XYLB: variants seen among roughly 807,000 people sequenced by gnomAD.
XYLB encodes xylulokinase, also known as xylulose kinase.
A neutral mutation model predicts 78.7 loss-of-function variants in XYLB; 62 were observed. The observed-to-expected ratio is 0.79, with a 90% CI of 0.64 to 0.97. XYLB has a LOEUF of 0.97. Among genes scored for constraint, XYLB ranks in the 50% least tolerant of loss-of-function variants. The pLI is 0.00. For synonymous variants in XYLB, 245 were observed against 247.4 expected, an observed-to-expected ratio of 0.99 and a Z score of 0.09; for missense variants, 687 against 676.8, an observed-to-expected ratio of 1.02 and a Z score of -0.17.
the XYLB span, among the ~76,000 whole-genome samples, chr3:38,432,408 A>G: frequency 6.6e-6 from 1 of 152,088 alleles, no homozygotes; most frequent in Admixed American, 6.5e-5. Flanking sequence ...CTCTACTAAA[A>G]ATACAAAAAT....
intron 17 of XYLB, among the ~76,000 whole-genome samples, chr3:38,398,033 T>C (rs767132520): frequency 2.8e-4 from 43 of 151,694 alleles, no homozygotes; most frequent in Non-Finnish European, 4.3e-4. Context: ...TTAGCCAGGA[T>C]GGTCTCGATC....
chr3:38,419,275 C>T (rs1270625964), downstream of XYLB, among the ~76,000 whole-genome samples: 1 of 152,028 alleles, frequency 6.6e-6, no homozygotes, highest in Non-Finnish European at 1.5e-5. Context: ...TAATATTCCG[C>T]TGTGTTTATA....
downstream of XYLB, among the ~76,000 whole-genome samples, chr3:38,415,854 C>T (rs1708771875): frequency 6.6e-6 from 1 of 152,136 alleles, no homozygotes; most frequent in South Asian, 2.1e-4. Context: ...CACAGTTCCA[C>T]ATGGCTGGGG....
At chr3:38,392,343 G>A (rs1410631776) in intron 15 of XYLB, among the ~76,000 whole-genome samples, 1 of 152,116 alleles carries the variant, frequency 6.6e-6, no homozygotes, top group African/African-American at 2.4e-5. Flanking sequence ...TTTTTGCCCA[G>A]GCTGGAGTGC....
At chr3:38,412,800 A>C in intron 18 of XYLB, 136 bp from the exon 19 acceptor site, 2 of 709,076 alleles carry the variant, frequency 2.8e-6, no homozygotes, top group South Asian at 1.9e-5. Flanking sequence ...TCTTTTGTGA[A>C]TTGATGCTTT....
intron 17 of XYLB, among the ~76,000 whole-genome samples, chr3:38,397,927 T>C (rs559307601): frequency 6.6e-6 from 1 of 150,808 alleles, no homozygotes; most frequent in African/African-American, 2.4e-5. Context: ...CACACCATTC[T>C]CCTGCCTCAG....
chr3:38,435,693 C>T, the XYLB span, among the ~76,000 whole-genome samples: 1 of 152,186 alleles, frequency 6.6e-6, no homozygotes, highest in East Asian at 1.9e-4. Flanking sequence ...ATATGTTAGG[C>T]CACAAAACAA....
chr3:38,426,705 T>A, the XYLB span, among the ~76,000 whole-genome samples: 2 of 152,246 alleles, frequency 1.3e-5, no homozygotes, highest in Non-Finnish European at 1.5e-5. Flanking sequence ...AGTAGCCTAC[T>A]GTGACAAAGC....
downstream of XYLB, among the ~76,000 whole-genome samples, chr3:38,418,785 T>C (rs1708882891): frequency 6.6e-6 from 1 of 151,298 alleles, no homozygotes; most frequent in Non-Finnish European, 1.5e-5. Context: ...ATAAAATGTG[T>C]GACATTTATC....
chr3:38,352,542 C>T (rs115554148), intron 2 of XYLB, among the ~76,000 whole-genome samples: 11,065 of 152,230 alleles, frequency 0.073, 498 homozygotes, highest in African/African-American at 0.13. Flanking sequence ...CACAGTGGCT[C>T]AAGCCTGTAA....
Position 38,412,996 on chromosome 3 carries a change from C to T in XYLB, c.1594C>T (p.Arg532Trp), listed in dbSNP as rs752166469. ...KLEQRILSQT[R>W]GPPE Reference sequence around the variant, plus strand: ...CGAGCAGAGAATCTTGTCTCAGACCCGGGGGCCTCCGGAGTGAACAGGCAT... The same window carrying T: ...CGAGCAGAGAATCTTGTCTCAGACCTGGGGGCCTCCGGAGTGAACAGGCAT... Residue 532 changes from arginine to tryptophan, a missense_variant, in exon 19 of 19, where the codon CGG (arginine) becomes TGG (tryptophan). Arg to Trp is a moderately radical substitution (Grantham distance 101, BLOSUM62 -3). Coordinates refer to ENST00000207870, the MANE Select transcript of XYLB (RefSeq NM_005108.4). The T allele has an allele frequency of 1.3e-5, 21 of 1,601,454 alleles. No homozygotes were observed. Among genetic ancestry groups the T allele is most frequent in the Middle Eastern group, 1.7e-4 (1 of 6,040 alleles).
chr3:38,417,242 C>A (rs1708826607), downstream of XYLB, among the ~76,000 whole-genome samples: 1 of 152,024 alleles, frequency 6.6e-6, no homozygotes, highest in African/African-American at 2.4e-5. Context: ...TCGAGACCAG[C>A]TTGGGCAACA....
At chr3:38,385,257 C>G (rs1250220459) in intron 15 of XYLB, among the ~76,000 whole-genome samples, 1 of 152,116 alleles carries the variant, frequency 6.6e-6, no homozygotes, top group Non-Finnish European at 1.5e-5. Flanking sequence ...ATCTTGGCCT[C>G]CAAAGTGCTG....
intron 18 of XYLB, among the ~76,000 whole-genome samples, chr3:38,409,353 C>T (rs2125674439): frequency 6.6e-6 from 1 of 152,324 alleles, no homozygotes; most frequent in Middle Eastern, 3.4e-3. Flanking sequence ...ATGCTAAAAA[C>T]TCTCAATAAA....
At chr3:38,442,690 C>G in the XYLB span, among the ~76,000 whole-genome samples, 1 of 149,292 alleles carries the variant, frequency 6.7e-6, no homozygotes, top group African/African-American at 2.5e-5. Flanking sequence ...TTTTCTACTC[C>G]TAGAATTGGG....
At chr3:38,379,653 G>A (rs756603273) in intron 15 of XYLB, among the ~76,000 whole-genome samples, 1 of 152,190 alleles carries the variant, frequency 6.6e-6, no homozygotes, top group Non-Finnish European at 1.5e-5. Flanking sequence ...CAGATGAGCT[G>A]TCCTGAGCTC....
At chr3:38,369,622 A>G (rs922043232) in intron 8 of XYLB, among the ~76,000 whole-genome samples, 2 of 152,190 alleles carry the variant, frequency 1.3e-5, no homozygotes, top group Admixed American at 6.5e-5. Context: ...GGAAAGAGCT[A>G]GTAGGTTGAT....
At chr3:38,408,538 G>A (rs1263362571) in intron 18 of XYLB, among the ~76,000 whole-genome samples, 2 of 151,198 alleles carry the variant, frequency 1.3e-5, no homozygotes, top group African/African-American at 4.9e-5. Flanking sequence ...TAAAATCAGA[G>A]AAGAACTGAA....
At chr3:38,424,264 A>G (rs979288681), downstream of XYLB, among the ~76,000 whole-genome samples, 2 of 152,202 alleles carry the variant, frequency 1.3e-5, no homozygotes, top group Non-Finnish European at 2.9e-5. Context: ...ATACTAATCC[A>G]TGGACTCTAA....
Sources: gnomAD v4.1 joint callset for allele counts (sites outside exome capture counted in the v4.1 genomes callset) on GRCh38, gnomAD v4.1.1 for gene constraint, MANE v1.5 for transcripts, NCBI Gene and HGNC (gene_info 2026-07-23, HGNC 2026-07-21) for gene names.